Variants in SERINC5 observed in about 807,000 individuals in gnomAD.
SERINC5 encodes the protein serine incorporator 5.
A neutral mutation model predicts 63.1 loss-of-function variants in SERINC5; 41 were observed. That is an observed-to-expected ratio of 0.65 (90% CI 0.51 to 0.84). SERINC5 has a LOEUF of 0.84. Among genes scored for constraint, SERINC5 ranks in the 40% least tolerant of loss-of-function variants. SERINC5 has a pLI of 0.00. For missense variants in SERINC5, 523 were observed against 573.0 expected (o/e 0.91, Z 0.89); for synonymous variants, 222 against 215.2 (o/e 1.03, Z -0.28).
intron 2 of SERINC5, among the ~76,000 whole-genome samples, chr5:80,180,353 GA>G (rs1239317888): frequency 2.0e-5 from 3 of 151,996 alleles, no homozygotes; most frequent in African/African-American, 7.3e-5. Context: ...GTATCACAGA[GA>G]AAAAATAGCA....
chr5:80,230,459 A>AAAAG (rs769425698), intron 1 of SERINC5, among the ~76,000 whole-genome samples: 4 of 128,620 alleles, frequency 3.1e-5, no homozygotes, highest in East Asian at 2.2e-4. Flanking sequence ...AAAAAAAAAA[A>AAAAG]AAAGAAACCA....
At position 80,143,144 on chromosome 5, in the gene SERINC5, C is replaced by G; in HGVS notation, c.*519G>C. ...GAGGGTGCAGTTGAAAAGCAGGTGC[C>G]TCCTCTTGGACCCTATAAATACCAG... On this transcript the variant is annotated 3_prime_UTR_variant, in exon 12 of 12. Transcript: ENST00000507668. The G allele has an allele frequency of 1.0e-6, 1 of 985,604 alleles. No homozygotes were observed. Among genetic ancestry groups the G allele is most frequent in the Non-Finnish European group, 1.2e-6 (1 of 830,114 alleles). 61.1% of individuals were successfully genotyped at this position (985,604 alleles called of 1,614,324 possible).
intron 1 of SERINC5, among the ~76,000 whole-genome samples, chr5:80,206,945 C>G (rs1750198054): frequency 6.6e-6 from 1 of 151,586 alleles, no homozygotes; most frequent in African/African-American, 2.4e-5. Context: ...GATACCATGC[C>G]TGGCTGGTTG....
chr5:80,140,843 A>C lies in SERINC5; in HGVS notation c.*2820T>G. The stretch of plus-strand genomic sequence containing the variant: ...TGCAGCTTTAAAAAAGTCCTCTTCA[A>C]CTGTCATCCCTAAATGTGTCTGACC... On this transcript the variant is annotated 3_prime_UTR_variant, in exon 12 of 12. Transcript: ENST00000507668. 1.0e-6 allele frequency: 1 copy of C among 985,400 alleles called. No homozygotes were observed. Among genetic ancestry groups the C allele is most frequent in the South Asian group, 4.7e-5 (1 of 21,288 alleles). The allele number at this position is 985,400 out of a possible 1,614,324, so 61.0% of individuals were successfully genotyped here.
chr5:80,150,940 GA>G lies in SERINC5; in HGVS notation c.994del (p.Ser332GlnfsTer21), dbSNP rs747174706. The G allele has an allele frequency of 6.2e-7, 1 of 1,612,792 alleles. No individual in the cohort carries two copies. Among genetic ancestry groups the G allele is most frequent in the Non-Finnish European group, 8.5e-7 (1 of 1,178,830 alleles). On this transcript the variant is annotated frameshift_variant, in exon 9 of 12. Transcript: ENST00000507668. LOFTEE classifies it high-confidence loss of function. ...IGCILYSCLT[S>X]TTRSSSDALQ... is the part of the protein sequence containing the mutation. ...AGCGTCAGAACTCGATCTTGTTGTT[GA>G]TGTCAAACTAAGAAACAGACAAAAA...
intron 8 of SERINC5, among the ~76,000 whole-genome samples, chr5:80,151,911 G>A (rs759665764): frequency 6.6e-6 from 1 of 151,982 alleles, no homozygotes; most frequent in Non-Finnish European, 1.5e-5. Context: ...TCAATCCAGC[G>A]AACCCCATGA....
At chr5:80,156,422 GA>G (rs1746521305) in intron 8 of SERINC5, among the ~76,000 whole-genome samples, 2 of 152,096 alleles carry the variant, frequency 1.3e-5, no homozygotes. Context: ...CTGACCCCTC[GA>G]AGAGCTGCAG....
At chr5:80,178,562 T>G (rs1198507407) in intron 2 of SERINC5, among the ~76,000 whole-genome samples, 89 of 44,930 alleles carry the variant, frequency 2.0e-3, no homozygotes, top group African/African-American at 5.4e-3. Context: ...TTTTTTTTTG[T>G]AGAGATGGGG....
At chr5:80,176,752 CCTTA>C (rs777719385) in intron 4 of SERINC5, among the ~76,000 whole-genome samples, 1 of 152,018 alleles carries the variant, frequency 6.6e-6, no homozygotes, top group African/African-American at 2.4e-5. Flanking sequence ...GTTTTTAATA[CCTTA>C]CTTAGGAAAG....
rs375699015 is a variant in SERINC5, at chr5:80,250,207, C to G, written c.27+5689G>C. On this transcript the variant is annotated intron_variant, in intron 1 of 11. Coordinates refer to ENST00000507668, the MANE Select transcript of SERINC5 (RefSeq NM_001174072.3). ...GTACTAAGTGGTGCAATCAAGTCCACGAAGCAGAAATTCTGTGAGGACTCT... is the reference window on the plus strand; with the variant it reads ...GTACTAAGTGGTGCAATCAAGTCCAGGAAGCAGAAATTCTGTGAGGACTCT... 1.6e-4 allele frequency among the ~76,000 whole-genome samples: 25 copies of G among 152,202 alleles called. 1 individual carries two copies. The highest frequency in any genetic ancestry group is 5.8e-4 in the African/African-American group (24 of 41,532).
At chr5:80,112,106 C>T (rs945981133) in intron 12 of SERINC5, among the ~76,000 whole-genome samples, 68 of 152,176 alleles carry the variant, frequency 4.5e-4, no homozygotes, top group Non-Finnish European at 1.0e-4. Context: ...ATGGGAAAGA[C>T]CTGACCGTCC....
intron 11 of SERINC5, among the ~76,000 whole-genome samples, chr5:80,116,717 G>T (rs567109313): frequency 6.6e-6 from 1 of 152,150 alleles, no homozygotes; most frequent in Non-Finnish European, 1.5e-5. Context: ...ACAGAGGCAG[G>T]CTGCTCTGGC....
rs990734253 is a variant in SERINC5 at position 80,142,065 on chromosome 5, C to A, written c.*1598G>T. The A allele has an allele frequency of 8.1e-6, 8 of 985,356 alleles. No homozygotes were observed. Among genetic ancestry groups the A allele is most frequent in the Non-Finnish European group, 8.4e-6 (7 of 829,908 alleles). The allele number at this position is 985,356 out of a possible 1,614,324, so 61.0% of individuals were successfully genotyped here. A position where few individuals can be genotyped will look rare whatever the true frequency, so the allele number is the denominator to read the frequency against. ...ATTCTGCCCAACTCATACAGTAGGG[C>A]ACAGAAAAAAATGACTAGGCTGAGC... is the stretch of plus-strand genomic sequence containing the variant. On this transcript the variant is annotated 3_prime_UTR_variant, in exon 12 of 12. Coordinates refer to ENST00000507668, the MANE Select transcript of SERINC5 (RefSeq NM_001174072.3).
At chr5:80,246,990 G>C (rs1310314214) in intron 1 of SERINC5, among the ~76,000 whole-genome samples, 1 of 152,128 alleles carries the variant, frequency 6.6e-6, no homozygotes, top group Non-Finnish European at 1.5e-5. Flanking sequence ...ACTGCAAACA[G>C]CAATATGTAA....
chr5:80,241,252 CGAGGTCAG>C (rs113155047), intron 1 of SERINC5, among the ~76,000 whole-genome samples: 25,875 of 151,734 alleles, frequency 0.17, 2,414 homozygotes, highest in East Asian at 0.26. Flanking sequence ...GGGCGGATCA[CGAGGTCAG>C]GAGATCGAGA....
At chr5:80,168,299 A>G (rs868267554) in intron 6 of SERINC5, among the ~76,000 whole-genome samples, 1 of 152,152 alleles carries the variant, frequency 6.6e-6, no homozygotes, top group East Asian at 1.9e-4. Context: ...GGTTCAAGCA[A>G]TTCTCCTGCC....
At chr5:80,161,715 C>T (rs188716829) in intron 7 of SERINC5, among the ~76,000 whole-genome samples, 340 of 152,196 alleles carry the variant, frequency 2.2e-3, no homozygotes, top group Middle Eastern at 6.8e-3. Context: ...TAACATAGTT[C>T]CATTTGTCTG....
chr5:80,150,517 C>T (rs1007367028), intron 9 of SERINC5, among the ~76,000 whole-genome samples: 8 of 152,182 alleles, frequency 5.3e-5, no homozygotes, highest in African/African-American at 1.9e-4. Flanking sequence ...CTCACTGCAA[C>T]CTCTGCCACC....
At chr5:80,137,160 A>AC (rs376593785), downstream of SERINC5, among the ~76,000 whole-genome samples, 14,416 of 91,092 alleles carry the variant, frequency 0.16, 831 homozygotes, top group Non-Finnish European at 0.23. Flanking sequence ...AAAAAAAAAA[A>AC]AAACAAAAAA....
Sources: gnomAD v4.1 joint callset for allele counts (sites outside exome capture counted in the v4.1 genomes callset) on GRCh38, gnomAD v4.1.1 for gene constraint, MANE v1.5 for transcripts, NCBI Gene and HGNC (gene_info 2026-07-23, HGNC 2026-07-21) for gene names.